The following BMPR1B variants were observed in gnomAD, a reference collection of about 807,000 sequenced individuals.
BMPR1B encodes the protein bone morphogenetic protein receptor type 1B.
In BMPR1B, 12 loss-of-function variants were observed where a neutral mutation model predicts 59.1. The ratio of observed to expected loss-of-function variants is 0.20; its 90% CI spans 0.13 to 0.33. The LOEUF is 0.33. Among genes scored for constraint, BMPR1B ranks in the 10% least tolerant of loss-of-function variants. The pLI is 1.00. For missense variants in BMPR1B, 550 were observed against 610.9 expected (o/e 0.90, Z 1.05); for synonymous variants, 237 against 207.3 (o/e 1.14, Z -1.23).
chr4:94,995,445 A>T (rs931876952), intron 2 of BMPR1B, among the ~76,000 whole-genome samples: 4 of 152,146 alleles, frequency 2.6e-5, no homozygotes, highest in African/African-American at 9.7e-5. Flanking sequence ...AAGCAATATT[A>T]AAAAAATTAC....
At chr4:95,004,114 A>T (rs1228252785) in intron 3 of BMPR1B, among the ~76,000 whole-genome samples, 8 of 152,214 alleles carry the variant, frequency 5.3e-5, no homozygotes, top group Admixed American at 4.6e-4. Context: ...CTTCATAAAC[A>T]TAGTTTGTGT....
At chr4:95,038,629 C>T (rs1022877794) in intron 3 of BMPR1B, among the ~76,000 whole-genome samples, 13 of 152,128 alleles carry the variant, frequency 8.5e-5, no homozygotes, top group African/African-American at 3.1e-4. Context: ...TTGTCAATTT[C>T]TGATTATACA....
intron 3 of BMPR1B, among the ~76,000 whole-genome samples, chr4:95,040,918 A>C (rs1030772936): frequency 2.6e-5 from 4 of 152,136 alleles, no homozygotes; most frequent in African/African-American, 7.2e-5. Flanking sequence ...TGTGCCTTCT[A>C]AGCCTGCAGT....
At position 94,982,910 on chromosome 4, in the gene BMPR1B, G is replaced by A. The variant is rs796230955; in HGVS notation, c.-112-13130G>A. 3.4e-4 allele frequency among the ~76,000 whole-genome samples: 51 copies of A among 152,132 alleles called. 1 individual carries two copies. Among genetic ancestry groups the A allele is most frequent in the African/African-American group, 8.9e-4 (37 of 41,502 alleles). ...TGAGGCAGGAGAATGGCATGAACCC[G>A]GGAGGCGGAGATTGTCGTGAGAGGA... is the stretch of plus-strand genomic sequence containing the variant. On this transcript the variant is annotated intron_variant, in intron 2 of 12. Coordinates refer to ENST00000515059, the MANE Select transcript of BMPR1B (RefSeq NM_001203.3).
intron 1 of BMPR1B, among the ~76,000 whole-genome samples, chr4:94,789,697 G>C (rs965476887): frequency 6.6e-6 from 1 of 152,162 alleles, no homozygotes; most frequent in Non-Finnish European, 1.5e-5. Context: ...ATCTGAGAGT[G>C]TATGCCAGTA....
chr4:94,978,170 A>G (rs1452873120), intron 2 of BMPR1B, among the ~76,000 whole-genome samples: 1 of 152,048 alleles, frequency 6.6e-6, no homozygotes, highest in Non-Finnish European at 1.5e-5. Flanking sequence ...TTATTATAGC[A>G]CTCACTTCTG....
intron 10 of BMPR1B, among the ~76,000 whole-genome samples, chr4:95,133,987 C>T (rs969339710): frequency 6.6e-6 from 1 of 151,962 alleles, no homozygotes; most frequent in African/African-American, 2.4e-5. Flanking sequence ...ATTAACTTGT[C>T]ATTTACATTA....
At chr4:94,878,513 G>T (rs1026458280) in intron 2 of BMPR1B, among the ~76,000 whole-genome samples, 1 of 152,110 alleles carries the variant, frequency 6.6e-6, no homozygotes, top group Non-Finnish European at 1.5e-5. Flanking sequence ...TGTTACACTG[G>T]CCCAGGTAAA....
At chr4:95,086,784 A>G (rs997122651) in intron 3 of BMPR1B, among the ~76,000 whole-genome samples, 13 of 152,144 alleles carry the variant, frequency 8.5e-5, no homozygotes, top group South Asian at 8.3e-4. Context: ...ATTCCAGGCT[A>G]ACCTTTATTT....
intron 3 of BMPR1B, among the ~76,000 whole-genome samples, chr4:95,055,924 A>G (rs886109330): frequency 2.0e-5 from 3 of 152,232 alleles, no homozygotes; most frequent in Non-Finnish European, 4.4e-5. Flanking sequence ...TGAATCTGAA[A>G]TAACATTGGA....
rs545682986 is a variant in BMPR1B at position 95,026,184 on chromosome 4, C to T, written c.-18+30050C>T. Reference sequence around the variant, plus strand: ...TTTCTCTTTTTCTCTTTCTGTAGATCGAAGAACATAAATATTATGTGGAGA... The same window carrying T: ...TTTCTCTTTTTCTCTTTCTGTAGATTGAAGAACATAAATATTATGTGGAGA... On this transcript the variant is annotated intron_variant, in intron 3 of 12. Transcript: ENST00000515059. Among the ~76,000 whole-genome samples, 22 of 97,386 alleles carry T rather than the reference C, an allele frequency of 2.3e-4. No homozygotes were observed. The South Asian group carries it at 7.2e-3, about 32-fold the overall frequency. 63.9% of individuals were successfully genotyped at this position (97,386 alleles called of 152,430 possible). A position where few individuals can be genotyped will look rare whatever the true frequency, so the allele number is the denominator to read the frequency against.
chr4:94,974,089 G>A (rs1475580619), intron 2 of BMPR1B, among the ~76,000 whole-genome samples: 1 of 152,018 alleles, frequency 6.6e-6, no homozygotes, highest in South Asian at 2.1e-4. Context: ...AAATTATACT[G>A]ATTTACTTAA....
intron 1 of BMPR1B, among the ~76,000 whole-genome samples, chr4:94,782,938 C>T (rs998583602): frequency 6.6e-6 from 1 of 152,148 alleles, no homozygotes; most frequent in Non-Finnish European, 1.5e-5. Context: ...CTTCCCTCCA[C>T]TCCTAATGCT....
At chr4:95,137,042 G>A (rs565829806) in intron 10 of BMPR1B, among the ~76,000 whole-genome samples, 3 of 152,154 alleles carry the variant, frequency 2.0e-5, no homozygotes, top group Non-Finnish European at 4.4e-5. Context: ...TCTTTTGTGG[G>A]CATTTAGTGC....
At chr4:95,116,966 G>A (rs1732114890) in intron 6 of BMPR1B, among the ~76,000 whole-genome samples, 1 of 152,030 alleles carries the variant, frequency 6.6e-6, no homozygotes, top group Admixed American at 6.6e-5. Context: ...GTATACATTA[G>A]AATGTAAGAG....
intron 2 of BMPR1B, among the ~76,000 whole-genome samples, chr4:94,953,569 T>A (rs563496920): frequency 6.6e-6 from 1 of 151,720 alleles, no homozygotes; most frequent in Non-Finnish European, 1.5e-5. Context: ...TCTTTAAGAA[T>A]GTTGAATATT....
At chr4:94,901,396 GAGA>G (rs1727804178) in intron 2 of BMPR1B, among the ~76,000 whole-genome samples, 1 of 151,916 alleles carries the variant, frequency 6.6e-6, no homozygotes, top group South Asian at 2.1e-4. Context: ...CTTCCTTGTG[GAGA>G]AGGAGTGCCT....
chr4:95,091,649 A>G (rs191782959), intron 3 of BMPR1B: 3 of 984,788 alleles, frequency 3.0e-6, no homozygotes, highest in Non-Finnish European at 3.6e-6. Context: ...GAGAAGCTTT[A>G]TATCTCACAG....
intron 1 of BMPR1B, among the ~76,000 whole-genome samples, chr4:94,871,929 T>A (rs1254199686): frequency 3.3e-5 from 5 of 152,256 alleles, no homozygotes; most frequent in Non-Finnish European, 1.5e-5. Context: ...AATGAATGCT[T>A]ACTCATGTTG....
Sources: gnomAD v4.1 joint callset for allele counts (sites outside exome capture counted in the v4.1 genomes callset) on GRCh38, gnomAD v4.1.1 for gene constraint, MANE v1.5 for transcripts, NCBI Gene and HGNC (gene_info 2026-07-23, HGNC 2026-07-21) for gene names.